The following DNAH9 variants were observed in gnomAD, a reference collection of about 807,000 sequenced individuals.
DNAH9 encodes DNAH9 variant protein.
DNAH9 carries 345 observed loss-of-function variants against 471.6 expected under a neutral mutation model. The ratio of observed to expected loss-of-function variants is 0.73; its 90% CI spans 0.67 to 0.80. The LOEUF is 0.80. Among genes scored for constraint, DNAH9 ranks in the 30% least tolerant of loss-of-function variants. The pLI, the probability that DNAH9 is intolerant of heterozygous loss-of-function variation, is 0.00. For missense variants in DNAH9, 5,407 were observed against 5,609.2 expected, an observed-to-expected ratio of 0.96 and a Z score of 1.15; for synonymous variants, 2,093 against 2,123.6, an observed-to-expected ratio of 0.99 and a Z score of 0.40.
intron 40 of DNAH9, 152 bp from the exon 41 acceptor site, chr17:11,784,148 G>T: frequency 8.3e-7 from 1 of 1,201,694 alleles, no homozygotes; most frequent in Non-Finnish European, 1.2e-6. Flanking sequence ...GTCATTTTAG[G>T]TTCAACCTAA....
chr17:11,744,680 C>T, intron 30 of DNAH9, 117 bp from the exon 31 acceptor site: 1 of 865,312 alleles, frequency 1.2e-6, no homozygotes, highest in Non-Finnish European at 1.8e-6. Context: ...CTTCCCACGT[C>T]TCTGTCCAGG....
chr17:11,775,247 C>T (rs1968373309), intron 38 of DNAH9, among the ~76,000 whole-genome samples: 1 of 152,094 alleles, frequency 6.6e-6, no homozygotes, highest in South Asian at 2.1e-4. Context: ...ATGTAAAACA[C>T]TCAAAATGAT....
chr17:11,825,813 A>G (rs1021907030), intron 48 of DNAH9, among the ~76,000 whole-genome samples: 2 of 152,256 alleles, frequency 1.3e-5, no homozygotes, highest in African/African-American at 4.8e-5. Context: ...CACATACTAT[A>G]TGGAAAAGCA....
intron 15 of DNAH9, among the ~76,000 whole-genome samples, chr17:11,665,815 G>A (rs980914161): frequency 6.6e-6 from 1 of 152,212 alleles, no homozygotes; most frequent in African/African-American, 2.4e-5. Context: ...CTCAAGGATT[G>A]AAATGAAATA....
chr17:11,708,480 ATC>A (rs1163786708), intron 26 of DNAH9, among the ~76,000 whole-genome samples: 1 of 152,042 alleles, frequency 6.6e-6, no homozygotes, highest in Non-Finnish European at 1.5e-5. Context: ...GGAGATGTCG[ATC>A]TCTCTGTAGC....
chr17:11,930,053 T>C lies in DNAH9; in HGVS notation c.12065T>C (p.Met4022Thr). The change falls in exon 63 of 69, where the codon ATG becomes ACG. Residue 4022 changes from methionine (M) to threonine (T), a missense_variant. Coordinates refer to ENST00000262442, the MANE Select transcript of DNAH9 (RefSeq NM_001372.4). The part of the protein sequence containing the change: ...IKITNEPPTG[M>T]HANLHKALDN... ...ATCACCAATGAGCCCCCCACGGGCATGCATGCCAACCTGCACAAGGCCCTG... is the reference window on the plus strand; with the variant it reads ...ATCACCAATGAGCCCCCCACGGGCACGCATGCCAACCTGCACAAGGCCCTG... 3 of 1,614,118 alleles carry C rather than the reference T, an allele frequency of 1.9e-6. No individual in the cohort carries two copies. The highest frequency in any genetic ancestry group is 2.5e-6 in the Non-Finnish European group (3 of 1,179,996).
intron 45 of DNAH9, among the ~76,000 whole-genome samples, chr17:11,814,172 G>A (rs1334986129): frequency 6.6e-6 from 1 of 152,098 alleles, no homozygotes; most frequent in African/African-American, 2.4e-5. Flanking sequence ...TACAAAACTT[G>A]TTCTCTTTTT....
intron 38 of DNAH9, among the ~76,000 whole-genome samples, chr17:11,771,222 G>C (rs539363623): frequency 1.3e-5 from 2 of 152,052 alleles, no homozygotes; most frequent in Admixed American, 6.6e-5. Flanking sequence ...TCTGCCTCCC[G>C]GGTTCAAGCA....
chr17:11,758,586 C>T (rs1597602630), intron 35 of DNAH9, among the ~76,000 whole-genome samples: 1 of 152,058 alleles, frequency 6.6e-6, no homozygotes, highest in Non-Finnish European at 1.5e-5. Flanking sequence ...CTTGGCTTGT[C>T]AAGCATGGGA....
intron 1 of DNAH9, 45 bp downstream of exon 1, chr17:11,598,960 GA>G: frequency 7.3e-7 from 1 of 1,366,460 alleles, no homozygotes; most frequent in Non-Finnish European, 9.6e-7. Context: ...CTGGGTGGGG[GA>G]GGGGAGGAGG....
chr17:11,710,174 CATT>C (rs1261754651), intron 26 of DNAH9, among the ~76,000 whole-genome samples: 1 of 152,034 alleles, frequency 6.6e-6, no homozygotes, highest in Non-Finnish European at 1.5e-5. Context: ...TTTTATTTAA[CATT>C]ATATTATGTA....
chr17:11,924,838 T>G (rs1375805189), intron 62 of DNAH9, among the ~76,000 whole-genome samples: 1 of 151,968 alleles, frequency 6.6e-6, no homozygotes, highest in Non-Finnish European at 1.5e-5. Flanking sequence ...TGGCCAGGCT[T>G]GTCTTGAACT....
At position 11,694,350 on chromosome 17, in the gene DNAH9, A is replaced by G. The variant is rs757900327; in HGVS notation, c.4775A>G (p.Glu1592Gly). ...RLCLCEKALA[E>G]YLDTKRLAFP... The stretch of plus-strand genomic sequence containing the variant: ...TGCCTGTGTGAGAAGGCCCTGGCAG[A>G]GTACCTCGACACCAAGAGGCTTGCC... Residue 1592 changes from glutamate (E) to glycine (G), a missense_variant, in exon 22 of 69, where the codon GAG becomes GGG. Coordinates refer to ENST00000262442, the MANE Select transcript of DNAH9 (RefSeq NM_001372.4). 3 of 1,613,822 alleles carry G rather than the reference A, an allele frequency of 1.9e-6. No homozygotes were observed. In the East Asian group the frequency reaches 6.7e-5, roughly 36 times the overall value.
At chr17:11,744,507 T>G (rs1441880631) in intron 30 of DNAH9, among the ~76,000 whole-genome samples, 1 of 152,190 alleles carries the variant, frequency 6.6e-6, no homozygotes, top group African/African-American at 2.4e-5. Flanking sequence ...CTGCTGAGTG[T>G]GCAAGGAGTA....
intron 67 of DNAH9, among the ~76,000 whole-genome samples, chr17:11,953,391 T>C (rs1017969159): frequency 6.6e-6 from 1 of 152,172 alleles, no homozygotes; most frequent in African/African-American, 2.4e-5. Flanking sequence ...TTCCCCTCCT[T>C]ATCACTCTCA....
chr17:11,883,247 C>T, intron 55 of DNAH9: 1 of 1,029,874 alleles, frequency 9.7e-7, no homozygotes, highest in Admixed American at 5.0e-5. Context: ...AAACTGGACC[C>T]TAACCCTCTA....
At chr17:11,708,824 C>T (rs767588131) in intron 26 of DNAH9, among the ~76,000 whole-genome samples, 1 of 152,100 alleles carries the variant, frequency 6.6e-6, no homozygotes, top group Admixed American at 6.5e-5. Flanking sequence ...ATCTATCCCC[C>T]GCTCTAGACT....
chr17:11,866,651 C>G (rs1309377131), intron 50 of DNAH9, among the ~76,000 whole-genome samples: 1 of 152,238 alleles, frequency 6.6e-6, no homozygotes, highest in Non-Finnish European at 1.5e-5. Flanking sequence ...GGCAGGCCTC[C>G]TTGAGCTGTG....
chr17:11,608,727 C>T (rs568187672), intron 2 of DNAH9, among the ~76,000 whole-genome samples: 3 of 152,194 alleles, frequency 2.0e-5, no homozygotes, highest in Non-Finnish European at 4.4e-5. Context: ...ACAGAACTAT[C>T]GCTGCCGGCT....
Sources: gnomAD v4.1 joint callset for allele counts (sites outside exome capture counted in the v4.1 genomes callset) on GRCh38, gnomAD v4.1.1 for gene constraint, MANE v1.5 for transcripts, NCBI Gene and HGNC (gene_info 2026-07-23, HGNC 2026-07-21) for gene names.